The following ARHGAP29 variants were observed in gnomAD, a reference collection of about 807,000 sequenced individuals.
The protein encoded by ARHGAP29 is rho GTPase-activating protein 29.
Under a neutral mutation model 122.6 loss-of-function variants are expected in ARHGAP29, and 43 were observed. That is an observed-to-expected ratio of 0.35 (90% CI 0.27 to 0.45). ARHGAP29 has a LOEUF of 0.45. ARHGAP29 is among the 20% of genes least tolerant of loss of function. The pLI is 1.00. For missense variants in ARHGAP29, 1,303 were observed against 1,477.2 expected (o/e 0.88, Z 1.93); for synonymous variants, 506 against 497.1 (o/e 1.02, Z -0.24).
chr1:94,259,161 A>G (rs1341811762), intron 1 of ARHGAP29, among the ~76,000 whole-genome samples: 2 of 152,188 alleles, frequency 1.3e-5, no homozygotes, highest in Non-Finnish European at 2.9e-5. Context: ...AGTAGTCATA[A>G]GGAGTGTTCT....
At chr1:94,204,940 T>G in intron 7 of ARHGAP29, 121 bp downstream of exon 7, 1 of 1,004,210 alleles carries the variant, frequency 1.0e-6, no homozygotes, top group Non-Finnish European at 1.4e-6. Context: ...GGATAATGGT[T>G]TTATTCATTA....
rs186561957 is a variant in ARHGAP29, at chr1:94,201,257, C to T, written c.1281+463G>A. On this transcript the variant is annotated intron_variant, in intron 12 of 22. Coordinates refer to ENST00000260526, the MANE Select transcript of ARHGAP29 (RefSeq NM_004815.4). ...CTCTCAGACTTCAATTTTAACCAAACAAATCATCAATCCAGAGAACATGGG... is the reference window on the plus strand; with the variant it reads ...CTCTCAGACTTCAATTTTAACCAAATAAATCATCAATCCAGAGAACATGGG... Among the ~76,000 whole-genome samples the T allele has an allele frequency of 1.5e-3, 235 of 152,218 alleles. 4 individuals carry two copies. The highest frequency in any genetic ancestry group is 2.8e-4 in the Non-Finnish European group (19 of 68,014).
intron 22 of ARHGAP29, 133 bp from the exon 23 acceptor site, chr1:94,174,882 C>T (rs1648995040): frequency 2.0e-6 from 2 of 1,010,854 alleles, no homozygotes; most frequent in African/African-American, 1.6e-5. Flanking sequence ...TCTCAGTTAC[C>T]TATGTGGAGG....
At chr1:94,287,293 C>T in the ARHGAP29 span, among the ~76,000 whole-genome samples, 180 of 152,136 alleles carry the variant, frequency 1.2e-3, no homozygotes, top group African/African-American at 2.0e-3. Flanking sequence ...ATTATGGGGG[C>T]GGTTTCCCCC....
intron 11 of ARHGAP29, 85 bp from the exon 12 acceptor site, chr1:94,201,942 A>C (rs1207919412): frequency 1.2e-5 from 15 of 1,276,604 alleles, no homozygotes; most frequent in Non-Finnish European, 2.1e-6. Flanking sequence ...AGTTGAAATA[A>C]CTGAAAATTC....
the ARHGAP29 span, among the ~76,000 whole-genome samples, chr1:94,308,363 C>G: frequency 5.9e-5 from 9 of 152,140 alleles, no homozygotes; most frequent in African/African-American, 2.2e-4. Flanking sequence ...GCAATTTCCC[C>G]AAGATCTTGG....
chr1:94,282,772 T>C, the ARHGAP29 span, among the ~76,000 whole-genome samples: 1 of 152,156 alleles, frequency 6.6e-6, no homozygotes, highest in Non-Finnish European at 1.5e-5. Flanking sequence ...TAGAGAGCTA[T>C]GGACTGCTTC....
intron 1 of ARHGAP29, among the ~76,000 whole-genome samples, chr1:94,256,589 G>T (rs982705804): frequency 2.1e-5 from 2 of 94,634 alleles, no homozygotes; most frequent in Admixed American, 1.6e-4. Context: ...ACAGAGTCTC[G>T]CTCTGTCTCC....
chr1:94,205,644 T>A lies in ARHGAP29; in HGVS notation c.550A>T (p.Ser184Cys). ...ACACCTTGAGCATTACCTTTTTCACTGGATGAGTCCACTGATTCCACAGAA... is the reference window on the plus strand; with the variant it reads ...ACACCTTGAGCATTACCTTTTTCACAGGATGAGTCCACTGATTCCACAGAA... ...NVSVESVDSSSEKGNFSPLEL... is the reference protein window; with the variant it reads ...NVSVESVDSSCEKGNFSPLEL... The change falls in exon 6 of 23, where the codon AGT (serine) becomes TGT (cysteine). Residue 184 changes from serine (S) to cysteine (C), a missense_variant. By Grantham distance (112) the Ser-to-Cys change is moderately radical (BLOSUM62 -1). Coordinates refer to ENST00000260526, the MANE Select transcript of ARHGAP29 (RefSeq NM_004815.4). 1 of 1,612,374 alleles carries A rather than the reference T, an allele frequency of 6.2e-7. No individual in the cohort carries two copies. The highest frequency in any genetic ancestry group is 8.5e-7 in the Non-Finnish European group (1 of 1,179,272).
At chr1:94,269,732 G>T (rs942674862) in intron 1 of ARHGAP29, among the ~76,000 whole-genome samples, 3 of 152,154 alleles carry the variant, frequency 2.0e-5, no homozygotes, top group Non-Finnish European at 2.9e-5. Context: ...ATTGTTAAAG[G>T]TGCTGGGGGT....
the ARHGAP29 span, among the ~76,000 whole-genome samples, chr1:94,290,778 G>A: frequency 6.6e-6 from 1 of 152,202 alleles, no homozygotes; most frequent in African/African-American, 2.4e-5. Context: ...TTGCACTGTG[G>A]TCTGAGAGAG....
the ARHGAP29 span, among the ~76,000 whole-genome samples, chr1:94,313,860 C>G: frequency 6.6e-6 from 1 of 152,136 alleles, no homozygotes; most frequent in Non-Finnish European, 1.5e-5. Context: ...TCATTCTCAA[C>G]AAACTACCAC....
Position 94,171,721 on chromosome 1 carries a change from G to A in ARHGAP29, c.*2148C>T, listed in dbSNP as rs888585710. ...GGACAAAGTGCCAGGGAGCCCTAAA[G>A]GCAGAAAGGACCCAAAAGTGAAATT... On this transcript the variant is annotated 3_prime_UTR_variant, in exon 23 of 23. Coordinates refer to ENST00000260526, the MANE Select transcript of ARHGAP29 (RefSeq NM_004815.4). The A allele has an allele frequency of 3.9e-5, 6 of 152,152 alleles. No individual in the cohort carries two copies. Among genetic ancestry groups the A allele is most frequent in the African/African-American group, 1.4e-4 (6 of 41,430 alleles). 9.4% of individuals were successfully genotyped at this position (152,152 alleles called of 1,614,324 possible).
chr1:94,277,263 G>A (rs980622864), upstream of ARHGAP29, among the ~76,000 whole-genome samples: 3 of 152,090 alleles, frequency 2.0e-5, no homozygotes, highest in Non-Finnish European at 2.9e-5. Flanking sequence ...CTTGTTCCTA[G>A]GAAATTGGAA....
At chr1:94,233,143 C>G (rs1234104910) in intron 1 of ARHGAP29, among the ~76,000 whole-genome samples, 1 of 151,760 alleles carries the variant, frequency 6.6e-6, no homozygotes, top group African/African-American at 2.4e-5. Flanking sequence ...TGTAGAGATA[C>G]AGTTTCACTA....
intron 17 of ARHGAP29, 26 bp from the exon 18 acceptor site, chr1:94,185,086 T>C: frequency 1.3e-6 from 2 of 1,586,936 alleles, no homozygotes; most frequent in South Asian, 1.2e-5. Flanking sequence ...AGTTTGAAAC[T>C]GGTTAACCTT....
chr1:94,188,216 C>T (rs752161232), intron 15 of ARHGAP29, among the ~76,000 whole-genome samples: 12 of 152,086 alleles, frequency 7.9e-5, no homozygotes, highest in Non-Finnish European at 1.3e-4. Flanking sequence ...GAATTCAAAT[C>T]GCTTACTCTA....
chr1:94,262,475 T>C (rs1326082130), intron 1 of ARHGAP29, among the ~76,000 whole-genome samples: 1 of 151,992 alleles, frequency 6.6e-6, no homozygotes, highest in Non-Finnish European at 1.5e-5. Context: ...ACCTACAGAA[T>C]GGAAGAAAAT....
At chr1:94,255,702 C>A (rs1654318717) in intron 1 of ARHGAP29, among the ~76,000 whole-genome samples, 3 of 152,162 alleles carry the variant, frequency 2.0e-5, no homozygotes, top group Admixed American at 2.0e-4. Context: ...AATGAGAAGG[C>A]AGGATGTTTA....
Sources: allele counts gnomAD v4.1 joint callset (sites outside exome capture counted in the v4.1 genomes callset), GRCh38; gene constraint gnomAD v4.1.1; transcripts MANE v1.5; gene names NCBI Gene and HGNC (gene_info 2026-07-23, HGNC 2026-07-21).